RTN4: variants seen among roughly 807,000 people sequenced by gnomAD.
RTN4 encodes reticulon-4.
In RTN4, 32 loss-of-function variants were observed where a neutral mutation model predicts 90.4. The observed-to-expected ratio is 0.35, with a 90% CI of 0.27 to 0.48. RTN4 has a LOEUF of 0.48. RTN4 is among the 20% of genes least tolerant of loss of function. The probability of loss-of-function intolerance (pLI) is 0.99; values close to 1 mark genes in which losing one functional copy is unlikely to be tolerated. For missense variants in RTN4, 1,706 were observed against 1,430.2 expected, an observed-to-expected ratio of 1.19 and a Z score of -3.11; for synonymous variants, 629 against 552.5, an observed-to-expected ratio of 1.14 and a Z score of -1.94.
chr2:55,096,857 C>T (rs564290718), intron 1 of RTN4, among the ~76,000 whole-genome samples: 3 of 150,470 alleles, frequency 2.0e-5, no homozygotes, highest in South Asian at 2.1e-4. Flanking sequence ...ACAAAAAATA[C>T]GAAGAAAGGC....
rs763114980 is a variant in RTN4, at chr2:54,972,202, A to AG, written c.*953dup. 7.9e-5 allele frequency: 12 copies of AG among 152,694 alleles called. No homozygotes were observed. The highest frequency in any genetic ancestry group is 2.9e-5 in the Non-Finnish European group (2 of 68,056). 9.5% of individuals were successfully genotyped at this position (152,694 alleles called of 1,614,324 possible). A position where few individuals can be genotyped will look rare whatever the true frequency, so the allele number is the denominator to read the frequency against. On this transcript the variant is annotated 3_prime_UTR_variant, in exon 9 of 9. Transcript: ENST00000337526. Reference sequence around the variant, plus strand: ...TACCAAAGCATATTTTAAGTCTATAAGCTTTATTGATACTTTGCTTTTACA... The same window carrying AG: ...TACCAAAGCATATTTTAAGTCTATAAGGCTTTATTGATACTTTGCTTTTACA...
chr2:55,131,870 C>A, the RTN4 span, among the ~76,000 whole-genome samples: 1 of 151,740 alleles, frequency 6.6e-6, no homozygotes, highest in Non-Finnish European at 1.5e-5. Flanking sequence ...GGCAACAGAG[C>A]GAGACTCCAT....
chr2:55,124,316 T>C, the RTN4 span, among the ~76,000 whole-genome samples: 1 of 152,342 alleles, frequency 6.6e-6, no homozygotes, highest in African/African-American at 2.4e-5. Context: ...CCTGGTTTGT[T>C]ACCTAGAAGC....
chr2:55,033,426 C>G (rs58482670), intron 1 of RTN4, among the ~76,000 whole-genome samples: 8,581 of 152,234 alleles, frequency 0.056, 407 homozygotes, highest in African/African-American at 0.12. Context: ...TCCATACTTG[C>G]AGCACTTTCA....
intron 5 of RTN4, among the ~76,000 whole-genome samples, chr2:54,981,555 T>C (rs535527444): frequency 1.3e-5 from 2 of 152,280 alleles, no homozygotes; most frequent in South Asian, 4.2e-4. Context: ...AATGACAAGT[T>C]CTATGAAAAA....
intron 1 of RTN4, among the ~76,000 whole-genome samples, chr2:55,083,802 A>C (rs1030992394): frequency 7.2e-5 from 11 of 152,180 alleles, no homozygotes; most frequent in East Asian, 1.9e-4. Flanking sequence ...AAATAAGAAG[A>C]AGCATATATT....
chr2:55,057,851 T>A (rs1334950321), intron 2 of RTN4, among the ~76,000 whole-genome samples: 1 of 152,084 alleles, frequency 6.6e-6, no homozygotes, highest in Non-Finnish European at 1.5e-5. Context: ...GGTGTGATTG[T>A]GCATGCATGT....
At chr2:55,109,161 AAC>A (rs927894841) in intron 1 of RTN4, among the ~76,000 whole-genome samples, 12 of 152,170 alleles carry the variant, frequency 7.9e-5, no homozygotes, top group African/African-American at 2.4e-4. Context: ...AAATGAAAAA[AAC>A]AGTTATATAT....
rs201579187 is a variant in RTN4, at chr2:54,987,685, C to G, written c.3027G>C (p.Leu1009=). The change falls in exon 4 of 9, where the codon CTG becomes CTC. Residue 1009 remains leucine, a synonymous_variant. Transcript: ENST00000337526. ...CAGTCTTCTTAATGTCTCTCCAGTA[C>G]AGGAGGTCAACAACTAAAAATTGAA... The part of the protein sequence containing the change: ...ELSKTSVVDL[L]YWRDIKKTGV... 1.1e-4 allele frequency: 175 copies of G among 1,613,038 alleles called. No individual in the cohort carries two copies. The highest frequency in any genetic ancestry group is 9.6e-5 in the Non-Finnish European group (113 of 1,179,356).
At chr2:55,043,967 G>C (rs116836760) in intron 1 of RTN4, among the ~76,000 whole-genome samples, 1 of 151,928 alleles carries the variant, frequency 6.6e-6, no homozygotes, top group African/African-American at 2.4e-5. Flanking sequence ...CCAGCACTTC[G>C]AGAAGACTGC....
intron 4 of RTN4, among the ~76,000 whole-genome samples, chr2:54,983,392 T>C (rs1375334559): frequency 6.6e-6 from 1 of 152,070 alleles, no homozygotes; most frequent in Non-Finnish European, 1.5e-5. Flanking sequence ...TCCACAGGAA[T>C]GTAAGAAACA....
the RTN4 span, among the ~76,000 whole-genome samples, chr2:55,119,775 G>A: frequency 1.2e-4 from 19 of 152,176 alleles, no homozygotes; most frequent in African/African-American, 4.6e-4. Flanking sequence ...AGGGCATGTG[G>A]TTTCCACAAC....
chr2:55,127,818 A>C, the RTN4 span, among the ~76,000 whole-genome samples: 1 of 152,078 alleles, frequency 6.6e-6, no homozygotes, highest in South Asian at 2.1e-4. Context: ...TCTACACCCT[A>C]CCTAGCATGG....
chr2:55,012,415 AC>A (rs147699213), intron 3 of RTN4, among the ~76,000 whole-genome samples: 10,546 of 152,214 alleles, frequency 0.069, 687 homozygotes, highest in African/African-American at 0.16. Context: ...TACAAGGAAA[AC>A]TAGCTTGTGG....
intron 1 of RTN4, among the ~76,000 whole-genome samples, chr2:55,090,467 G>A (rs139303247): frequency 7.9e-5 from 12 of 152,342 alleles, no homozygotes; most frequent in South Asian, 6.2e-4. Flanking sequence ...AGAAGAGGAC[G>A]TCATGGAGGA....
At position 55,072,754 on chromosome 2, in the gene RTN4, G is replaced by A. The variant is rs1038111375; in HGVS notation, c.-63+7735C>T. On this transcript the variant is annotated intron_variant, in intron 2 of 3. Coordinates refer to the RTN4 transcript ENST00000427710. ...ATTCTAATTTTGAAATTCCCCAAAG[G>A]AATGTTTACATGATCTTCAAATCTG... Among the ~76,000 whole-genome samples the A allele has an allele frequency of 3.3e-5, 5 of 152,160 alleles. No individual in the cohort carries two copies. The South Asian group carries it at 1.0e-3, about 32-fold the overall frequency.
chr2:55,036,265 A>C (rs1217530743), intron 1 of RTN4, among the ~76,000 whole-genome samples: 1 of 152,126 alleles, frequency 6.6e-6, no homozygotes, highest in African/African-American at 2.4e-5. Context: ...TCATCACCAA[A>C]TGGGGTTTAA....
chr2:55,113,238 G>A (rs1668069226), upstream of RTN4, among the ~76,000 whole-genome samples: 1 of 152,214 alleles, frequency 6.6e-6, no homozygotes, highest in Admixed American at 6.5e-5. Context: ...AAGGCTTCCT[G>A]GGGTGGGAAA....
chr2:55,126,825 C>T, the RTN4 span, among the ~76,000 whole-genome samples: 1 of 152,160 alleles, frequency 6.6e-6, no homozygotes. Flanking sequence ...TACACACACA[C>T]CATGGAATAC....
Sources: gnomAD v4.1 joint callset for allele counts (sites outside exome capture counted in the v4.1 genomes callset) on GRCh38, gnomAD v4.1.1 for gene constraint, MANE v1.5 for transcripts, NCBI Gene and HGNC (gene_info 2026-07-23, HGNC 2026-07-21) for gene names.